Variants in HPS3 observed in about 807,000 individuals in gnomAD.
HPS3 encodes the protein HPS3 biogenesis of lysosomal organelles complex 2 subunit 1, also known as BLOC-2 complex member HPS3.
Under a neutral mutation model 110.9 loss-of-function variants are expected in HPS3, and 79 were observed. The observed-to-expected ratio is 0.71, with a 90% CI of 0.59 to 0.86. The LOEUF is 0.86. Among genes scored for constraint, HPS3 ranks in the 40% least tolerant of loss-of-function variants. The probability of loss-of-function intolerance (pLI) is 0.00; values close to 1 mark genes in which losing one functional copy is unlikely to be tolerated. For missense variants in HPS3, 1,197 were observed against 1,206.2 expected (o/e 0.99, Z 0.11); for synonymous variants, 428 against 451.0 (o/e 0.95, Z 0.65).
chr3:149,147,265 G>A (rs1353004464), intron 5 of HPS3, among the ~76,000 whole-genome samples: 1 of 152,144 alleles, frequency 6.6e-6, no homozygotes, highest in African/African-American at 2.4e-5. Context: ...TGCTAAGTAG[G>A]CTTTTGGACA....
intron 2 of HPS3, 145 bp from the exon 3 acceptor site, chr3:149,140,872 A>AGT: frequency 1.4e-6 from 1 of 720,188 alleles, no homozygotes; most frequent in Non-Finnish European, 2.3e-6. Flanking sequence ...TAAATGAGCA[A>AGT]GTGCTAAGTC....
In HPS3 at chr3:149,157,468, A is replaced by G. The variant is rs764517887; in HGVS notation, c.1628A>G (p.Glu543Gly). 1.9e-6 allele frequency: 3 copies of G among 1,613,842 alleles called. No homozygotes were observed. Among genetic ancestry groups the G allele is most frequent in the Non-Finnish European group, 1.7e-6 (2 of 1,179,854 alleles). ...GATGCCAGTCAGCTGGAACCTGGAG[A>G]GAAGGCAGAGCTTTTGGAAGCATTT... is the stretch of plus-strand genomic sequence containing the variant. The part of the protein sequence containing the change: ...LMDASQLEPG[E>G]KAELLEAFKE... Residue 543 changes from glutamate (E) to glycine (G), a missense_variant, in exon 9 of 17, where the codon GAG (glutamate) becomes GGG (glycine). Transcript: ENST00000296051.
chr3:149,172,355 C>CACACACAT lies in HPS3; in HGVS notation c.*134_*135insCACACATA, dbSNP rs1417486263. On this transcript the variant is annotated 3_prime_UTR_variant, in exon 17 of 17. Coordinates refer to ENST00000296051, the MANE Select transcript of HPS3 (RefSeq NM_032383.5). ...ACACACACACACACACACACACACACATATATGATACAAATGCTTTCAGGC... is the reference window on the plus strand; with the variant it reads ...ACACACACACACACACACACACACACACACACATATATATGATACAAATGCTTTCAGGC... 5.2e-5 allele frequency: 32 copies of CACACACAT among 619,314 alleles called. No individual in the cohort carries two copies. In the African/African-American group the frequency reaches 5.6e-4, roughly 11 times the overall value. The allele number at this position is 619,314 out of a possible 1,614,324, so 38.4% of individuals were successfully genotyped here. A position where few individuals can be genotyped will look rare whatever the true frequency, so the allele number is the denominator to read the frequency against.
chr3:149,150,553 G>T, intron 5 of HPS3, 46 bp from the exon 6 acceptor site: 4 of 1,500,110 alleles, frequency 2.7e-6, no homozygotes, highest in Non-Finnish European at 3.7e-6. Flanking sequence ...TGGGTATGTT[G>T]GTTCTTGGCC....
At chr3:149,145,649 A>C (rs1161757534) in intron 5 of HPS3, 103 bp downstream of exon 5, 3 of 888,854 alleles carry the variant, frequency 3.4e-6, no homozygotes, top group Non-Finnish European at 3.8e-6. Flanking sequence ...ATAGAGTACT[A>C]TAAATGCATG....
At chr3:149,153,738 A>T in intron 7 of HPS3, 90 bp downstream of exon 7, 1 of 1,333,620 alleles carries the variant, frequency 7.5e-7, no homozygotes. Context: ...TCAAATCATA[A>T]CTTGGAATGA....
intron 14 of HPS3, among the ~76,000 whole-genome samples, 183 bp from the exon 15 acceptor site, chr3:149,166,851 A>T (rs887190184): frequency 6.6e-6 from 1 of 152,256 alleles, no homozygotes; most frequent in African/African-American, 2.4e-5. Context: ...AACTAGAGGT[A>T]GTTTCAAGAT....
intron 7 of HPS3, among the ~76,000 whole-genome samples, chr3:149,154,769 G>A (rs1303058785): frequency 6.6e-6 from 1 of 152,194 alleles, no homozygotes; most frequent in African/African-American, 2.4e-5. Context: ...GTCAAATGCA[G>A]AAAAGAGCCT....
chr3:149,164,098 A>C, intron 14 of HPS3, 149 bp downstream of exon 14: 1 of 586,174 alleles, frequency 1.7e-6, no homozygotes, highest in Non-Finnish European at 3.0e-6. Flanking sequence ...GGAGACTTGG[A>C]GGGAATGCCT....
intron 14 of HPS3, among the ~76,000 whole-genome samples, chr3:149,164,651 T>C (rs1724228109): frequency 6.6e-6 from 1 of 152,166 alleles, no homozygotes; most frequent in Non-Finnish European, 1.5e-5. Context: ...GATTTCCTAT[T>C]AAGAATTCTG....
chr3:149,134,061 A>G (rs1426508690), intron 1 of HPS3, among the ~76,000 whole-genome samples: 1 of 152,054 alleles, frequency 6.6e-6, no homozygotes, highest in African/African-American at 2.4e-5. Context: ...CAAACATTGG[A>G]TATCTTTAGC....
chr3:149,146,430 G>A (rs1576673282), intron 5 of HPS3, among the ~76,000 whole-genome samples: 1 of 152,228 alleles, frequency 6.6e-6, no homozygotes, highest in Admixed American at 6.5e-5. Context: ...TGTTTGAAGT[G>A]AAGCATGAAA....
chr3:149,148,738 A>G (rs1722930459), intron 5 of HPS3, among the ~76,000 whole-genome samples: 1 of 151,522 alleles, frequency 6.6e-6, no homozygotes, highest in African/African-American at 2.4e-5. Context: ...TTTACAATGC[A>G]TGTACTACTA....
chr3:149,153,447 G>A, intron 6 of HPS3, 47 bp from the exon 7 acceptor site: 1 of 1,502,688 alleles, frequency 6.7e-7, no homozygotes, highest in Non-Finnish European at 9.3e-7. Flanking sequence ...AGATTGAAGT[G>A]CATGTACCTT....
chr3:149,130,063 G>T lies in HPS3; in HGVS notation c.217+123G>T, dbSNP rs986920853. The T allele has an allele frequency of 5.2e-6, 5 of 962,482 alleles. No individual in the cohort carries two copies. In the Admixed American group the frequency reaches 8.8e-5, roughly 17 times the overall value. The allele number at this position is 962,482 out of a possible 1,614,324, so 59.6% of individuals were successfully genotyped here. The stretch of plus-strand genomic sequence containing the variant: ...GACTTCTTGCTTCCCGGAATTTGCC[G>T]GATGGTCTCCCTGGGTCTGGCCGCT... On this transcript the variant is annotated intron_variant, in intron 1 of 16. Coordinates refer to ENST00000296051, the MANE Select transcript of HPS3 (RefSeq NM_032383.5).
At position 149,141,538 on chromosome 3, in the gene HPS3, T is replaced by G. The variant is rs561230959; in HGVS notation, c.970+158T>G. Among the ~76,000 whole-genome samples, 38 of 148,384 alleles carry G rather than the reference T, an allele frequency of 2.6e-4. 1 individual carries two copies. The East Asian group carries it at 4.9e-3, about 19-fold the overall frequency. ...AACAAAGTTTTTTTTTTTGTTTTTT[T>G]TTTTTTTTTTTTTTGAGACTGAGTC... On this transcript the variant is annotated intron_variant, in intron 4 of 16. Coordinates refer to ENST00000296051, the MANE Select transcript of HPS3 (RefSeq NM_032383.5).
chr3:149,150,657 C>A lies in HPS3; in HGVS notation c.1222C>A (p.Pro408Thr), dbSNP rs759370887. 1 of 1,613,800 alleles carries A rather than the reference C, an allele frequency of 6.2e-7. No individual in the cohort carries two copies. The highest frequency in any genetic ancestry group is 2.2e-5 in the East Asian group (1 of 44,874). ...CSAAAAREEDPYMDTTLKACP... is the reference protein window; with the variant it reads ...CSAAAAREEDTYMDTTLKACP... Reference sequence around the variant, plus strand: ...TGCGGCGGCAGCTCGTGAGGAGGACCCGTACATGGACACCACCCTGAAGGT... The same window carrying A: ...TGCGGCGGCAGCTCGTGAGGAGGACACGTACATGGACACCACCCTGAAGGT... Residue 408 changes from proline to threonine, a missense_variant, in exon 6 of 17, where the codon CCG becomes ACG. By Grantham distance (38) the Pro-to-Thr change is conservative. Coordinates refer to ENST00000296051, the MANE Select transcript of HPS3 (RefSeq NM_032383.5).
At chr3:149,134,333 GTAAC>G (rs770352408) in intron 1 of HPS3, among the ~76,000 whole-genome samples, 17 of 152,154 alleles carry the variant, frequency 1.1e-4, no homozygotes, top group Non-Finnish European at 2.2e-4. Context: ...GTTCTACTGA[GTAAC>G]AAACTCACCA....
At chr3:149,164,970 G>A (rs189562484) in intron 14 of HPS3, among the ~76,000 whole-genome samples, 1 of 152,282 alleles carries the variant, frequency 6.6e-6, no homozygotes, top group Admixed American at 6.5e-5. Flanking sequence ...TGGGAATGGG[G>A]CTTAGAGGAG....
Sources: gnomAD v4.1 joint callset for allele counts (sites outside exome capture counted in the v4.1 genomes callset) on GRCh38, gnomAD v4.1.1 for gene constraint, MANE v1.5 for transcripts, NCBI Gene and HGNC (gene_info 2026-07-23, HGNC 2026-07-21) for gene names.